PDE4D: variants seen among roughly 807,000 people sequenced by gnomAD.
The protein encoded by PDE4D is 3',5'-cyclic-AMP phosphodiesterase 4D.
A neutral mutation model predicts 87.4 loss-of-function variants in PDE4D; 24 were observed. The observed-to-expected ratio is 0.27, with a 90% CI of 0.20 to 0.39. PDE4D has a LOEUF of 0.39. Ranked by LOEUF, PDE4D falls within the 10% of genes least tolerant of loss-of-function variation. PDE4D has a pLI of 1.00. For synonymous variants in PDE4D, 384 were observed against 383.2 expected (o/e 1.00, Z -0.02); for missense variants, 714 against 1,041.0 (o/e 0.69, Z 4.32).
chr5:59,679,800 A>T (rs976957264), intron 1 of PDE4D, among the ~76,000 whole-genome samples: 16 of 152,136 alleles, frequency 1.1e-4, no homozygotes, highest in African/African-American at 3.6e-4. Flanking sequence ...TTTATTCATG[A>T]TTAATAATGT....
At chr5:60,084,828 C>G (rs775008756) in intron 2 of PDE4D, among the ~76,000 whole-genome samples, 1 of 152,104 alleles carries the variant, frequency 6.6e-6, no homozygotes, top group Non-Finnish European at 1.5e-5. Context: ...ACTCCCCTAG[C>G]CCTCAACTGT....
chr5:60,247,718 C>T (rs1328964287), intron 1 of PDE4D, among the ~76,000 whole-genome samples: 1 of 151,906 alleles, frequency 6.6e-6, no homozygotes, highest in Non-Finnish European at 1.5e-5. Context: ...CCTCTCTCTC[C>T]TCTCCCTCTC....
intron 5 of PDE4D, among the ~76,000 whole-genome samples, chr5:59,092,865 C>T (rs1246717045): frequency 6.6e-6 from 1 of 152,158 alleles, no homozygotes; most frequent in Non-Finnish European, 1.5e-5. Context: ...CACCTTCTCC[C>T]GTCTTTTTCT....
rs115725123 is a variant in PDE4D, at chr5:59,442,825, C to G, written c.456-226857G>C. The stretch of plus-strand genomic sequence containing the variant: ...CACACCCAATTGCCATAGAAGTTCA[C>G]AGAGGAAAAGCCCAAGCTAAGAGTA... On this transcript the variant is annotated intron_variant, in intron 1 of 14. Transcript: ENST00000340635. Among the ~76,000 whole-genome samples the G allele has an allele frequency of 2.7e-3, 409 of 152,290 alleles. 3 individuals are homozygous for G. Among genetic ancestry groups the G allele is most frequent in the African/African-American group, 8.4e-3 (347 of 41,552 alleles).
At chr5:60,181,922 A>T (rs555353078) in intron 2 of PDE4D, among the ~76,000 whole-genome samples, 94 of 152,266 alleles carry the variant, frequency 6.2e-4, no homozygotes, top group Non-Finnish European at 4.7e-4. Flanking sequence ...TTACAACAAA[A>T]ATTTTTATAT....
At chr5:59,069,406 A>G (rs975460862) in intron 5 of PDE4D, among the ~76,000 whole-genome samples, 2 of 152,148 alleles carry the variant, frequency 1.3e-5, no homozygotes, top group African/African-American at 4.8e-5. Context: ...TGATATAGGG[A>G]TATTTCAGTG....
chr5:59,108,954 A>T (rs13190507), intron 5 of PDE4D, among the ~76,000 whole-genome samples: 12,594 of 75,244 alleles, frequency 0.17, 839 homozygotes, highest in South Asian at 0.23. Flanking sequence ...ATAGGAACTC[A>T]ATGTGTGTGT....
chr5:60,487,581 T>C (rs909499519), intron 1 of PDE4D: 2 of 152,126 alleles, frequency 1.3e-5, no homozygotes, highest in Non-Finnish European at 2.9e-5. Flanking sequence ...TGCTTGGGGG[T>C]GGGAAAACTT....
At chr5:60,157,719 C>T (rs1253375598) in intron 2 of PDE4D, among the ~76,000 whole-genome samples, 1 of 152,138 alleles carries the variant, frequency 6.6e-6, no homozygotes, top group Non-Finnish European at 1.5e-5. Flanking sequence ...CATGGTCTTT[C>T]TTCTCAGATA....
intron 1 of PDE4D, among the ~76,000 whole-genome samples, chr5:59,884,590 T>C (rs1749902152): frequency 6.6e-6 from 1 of 152,038 alleles, no homozygotes; most frequent in African/African-American, 2.4e-5. Context: ...TACTATTATA[T>C]GTAATATTGC....
chr5:59,381,266 A>G (rs1165561617), intron 1 of PDE4D, among the ~76,000 whole-genome samples: 2 of 152,152 alleles, frequency 1.3e-5, no homozygotes, highest in African/African-American at 4.8e-5. Flanking sequence ...GCTTGATAAT[A>G]TCAACTCCGT....
intron 1 of PDE4D, among the ~76,000 whole-genome samples, chr5:59,830,654 C>T (rs189080659): frequency 6.6e-6 from 1 of 152,086 alleles, no homozygotes; most frequent in East Asian, 1.9e-4. Flanking sequence ...TATTAATTAA[C>T]AAATCAGAAT....
chr5:59,945,540 A>G (rs1331365978), intron 3 of PDE4D, among the ~76,000 whole-genome samples: 7 of 152,204 alleles, frequency 4.6e-5, no homozygotes, highest in African/African-American at 1.7e-4. Context: ...TGAGACAAAG[A>G]TATTAACAAT....
chr5:58,987,817 G>C (rs1026108205), intron 11 of PDE4D, among the ~76,000 whole-genome samples: 1 of 152,104 alleles, frequency 6.6e-6, no homozygotes, highest in Non-Finnish European at 1.5e-5. Flanking sequence ...GTACCAAATA[G>C]AATTTCTATA....
At chr5:59,187,016 G>A (rs958637054) in intron 3 of PDE4D, among the ~76,000 whole-genome samples, 2 of 152,162 alleles carry the variant, frequency 1.3e-5, no homozygotes, top group Non-Finnish European at 2.9e-5. Flanking sequence ...CATTGCACCA[G>A]CTAATTGATC....
At chr5:60,376,181 T>C (rs906983066) in intron 1 of PDE4D, among the ~76,000 whole-genome samples, 1 of 152,214 alleles carries the variant, frequency 6.6e-6, no homozygotes, top group Non-Finnish European at 1.5e-5. Context: ...AAATTTATTA[T>C]CTTATAGTTA....
chr5:58,986,873 T>G (rs1396428571), intron 11 of PDE4D, among the ~76,000 whole-genome samples: 1 of 152,126 alleles, frequency 6.6e-6, no homozygotes, highest in African/African-American at 2.4e-5. Flanking sequence ...GTCTTCTAAA[T>G]CTACTCTTAA....
chr5:59,381,220 C>A (rs1785765782), intron 1 of PDE4D, among the ~76,000 whole-genome samples: 1 of 152,148 alleles, frequency 6.6e-6, no homozygotes, highest in African/African-American at 2.4e-5. Context: ...TTTAGTGAAA[C>A]CATTTGTTAA....
intron 1 of PDE4D, among the ~76,000 whole-genome samples, chr5:60,442,553 T>G (rs1437273947): frequency 6.6e-6 from 1 of 152,064 alleles, no homozygotes; most frequent in East Asian, 1.9e-4. Context: ...CTGCACGTTC[T>G]GCACATGTAT....
Sources: allele counts gnomAD v4.1 joint callset (sites outside exome capture counted in the v4.1 genomes callset), GRCh38; gene constraint gnomAD v4.1.1; transcripts MANE v1.5; gene names NCBI Gene and HGNC (gene_info 2026-07-23, HGNC 2026-07-21).